Variants in CSMD1 observed in about 807,000 individuals in gnomAD.
The protein encoded by CSMD1 is CUB and sushi domain-containing protein 1.
Under a neutral mutation model 417.5 loss-of-function variants are expected in CSMD1, and 213 were observed. The observed-to-expected ratio is 0.51, with a 90% CI of 0.46 to 0.57. CSMD1 has a LOEUF of 0.57. Among genes scored for constraint, CSMD1 ranks in the 20% least tolerant of loss-of-function variants. The pLI is 0.00. For synonymous variants in CSMD1, 2,862 were observed against 1,736.8 expected (o/e 1.65, Z -16.11); for missense variants, 6,923 against 4,529.7 (o/e 1.53, Z -15.17).
At chr8:3,251,523 C>G (rs1429573423) in intron 26 of CSMD1, among the ~76,000 whole-genome samples, 1 of 152,118 alleles carries the variant, frequency 6.6e-6, no homozygotes, top group Non-Finnish European at 1.5e-5. Context: ...GTTCTCTTGG[C>G]TTAGGATTGA....
At chr8:4,389,241 G>C (rs1184133133) in intron 3 of CSMD1, among the ~76,000 whole-genome samples, 1 of 152,038 alleles carries the variant, frequency 6.6e-6, no homozygotes, top group South Asian at 2.1e-4. Flanking sequence ...TCTCCTCTTT[G>C]GGTCATATAT....
At chr8:3,738,579 T>A (rs560880194) in intron 6 of CSMD1, among the ~76,000 whole-genome samples, 2 of 152,292 alleles carry the variant, frequency 1.3e-5, no homozygotes, top group East Asian at 1.9e-4. Context: ...TGTGCTCTTG[T>A]CACGGGGATG....
At position 3,186,647 on chromosome 8, in the gene CSMD1, G is replaced by A. The variant is rs539001303; in HGVS notation, c.5620+1222C>T. 3.6e-3 allele frequency among the ~76,000 whole-genome samples: 555 copies of A among 152,154 alleles called. 2 individuals are homozygous for A. The highest frequency in any genetic ancestry group is 6.9e-3 in the Non-Finnish European group (468 of 68,018). On this transcript the variant is annotated intron_variant, in intron 36 of 69. Coordinates refer to ENST00000635120, the MANE Select transcript of CSMD1 (RefSeq NM_033225.6). ...TTAACCTATTGAGTAAAAGTAGAAC[G>A]GAAATATTTAGGGAAAAAATATCCA...
At chr8:4,117,928 G>T (rs1802252402) in intron 3 of CSMD1, among the ~76,000 whole-genome samples, 1 of 120,338 alleles carries the variant, frequency 8.3e-6, no homozygotes, top group African/African-American at 3.3e-5. Context: ...AATTTTCCTG[G>T]AAAAGTCAGG....
At chr8:4,562,043 C>T (rs1798365156) in intron 2 of CSMD1, among the ~76,000 whole-genome samples, 2 of 152,098 alleles carry the variant, frequency 1.3e-5, no homozygotes, top group Non-Finnish European at 2.9e-5. Context: ...CGTACATATT[C>T]AATGCAGCCA....
intron 3 of CSMD1, among the ~76,000 whole-genome samples, chr8:4,185,654 T>A (rs1798627949): frequency 6.6e-6 from 1 of 152,238 alleles, no homozygotes; most frequent in Admixed American, 6.5e-5. Flanking sequence ...GTGACACATT[T>A]TAACATAGTC....
intron 10 of CSMD1, among the ~76,000 whole-genome samples, chr8:3,557,713 G>A (rs941562904): frequency 2.0e-5 from 3 of 152,208 alleles, no homozygotes; most frequent in Admixed American, 6.5e-5. Flanking sequence ...ACACATCACA[G>A]CTTCCTCTAC....
intron 1 of CSMD1, among the ~76,000 whole-genome samples, chr8:4,861,208 A>G (rs925229143): frequency 6.6e-6 from 1 of 152,158 alleles, no homozygotes; most frequent in African/African-American, 2.4e-5. Flanking sequence ...GACCTGCTCT[A>G]ATCTATTTCA....
intron 5 of CSMD1, among the ~76,000 whole-genome samples, chr8:3,886,114 G>T (rs561157512): frequency 1.3e-5 from 2 of 151,910 alleles, no homozygotes; most frequent in Non-Finnish European, 2.9e-5. Flanking sequence ...ACAGTGCTGC[G>T]ATCTCAGCTC....
intron 8 of CSMD1, among the ~76,000 whole-genome samples, chr8:3,612,349 A>G (rs1801936929): frequency 6.6e-6 from 1 of 152,120 alleles, no homozygotes; most frequent in Admixed American, 6.6e-5. Context: ...CAGATTCACA[A>G]TTTTAGTAGA....
chr8:4,250,167 T>C (rs1802966168), intron 3 of CSMD1, among the ~76,000 whole-genome samples: 1 of 152,196 alleles, frequency 6.6e-6, no homozygotes, highest in East Asian at 1.9e-4. Flanking sequence ...TCTAGAACTG[T>C]GAACCAATAC....
At chr8:4,372,167 C>T (rs1270327701) in intron 3 of CSMD1, among the ~76,000 whole-genome samples, 1 of 151,998 alleles carries the variant, frequency 6.6e-6, no homozygotes, top group African/African-American at 2.4e-5. Context: ...TCTACTTGTC[C>T]AAAAAGAGAT....
intron 7 of CSMD1, among the ~76,000 whole-genome samples, chr8:3,697,998 G>C (rs532878962): frequency 7.2e-5 from 11 of 152,218 alleles, no homozygotes; most frequent in African/African-American, 2.2e-4. Flanking sequence ...TTAACCACCT[G>C]TAATCCAATC....
Position 3,389,923 on chromosome 8 carries a change from C to T in CSMD1, c.2594-2241G>A, listed in dbSNP as rs893748615. Among the ~76,000 whole-genome samples, 22 of 152,222 alleles carry T rather than the reference C, an allele frequency of 1.4e-4. No homozygotes were observed. The South Asian group carries it at 1.7e-3, about 11-fold the overall frequency. ...AATATGCAGACATTGTTCTCGTTTT[C>T]ATTACAAACTGTTTGAATGGAGAGT... On this transcript the variant is annotated intron_variant, in intron 17 of 69. Transcript: ENST00000635120.
chr8:3,743,407 T>A (rs1409212828), intron 6 of CSMD1, among the ~76,000 whole-genome samples: 1 of 152,212 alleles, frequency 6.6e-6, no homozygotes, highest in African/African-American at 2.4e-5. Context: ...TGGAATAGTG[T>A]GACATTAGGA....
intron 10 of CSMD1, among the ~76,000 whole-genome samples, chr8:3,514,198 C>T (rs1399188210): frequency 6.6e-6 from 1 of 152,136 alleles, no homozygotes; most frequent in South Asian, 2.1e-4. Context: ...TGAAGACATG[C>T]TCTTGTGTAA....
At chr8:2,966,542 G>A (rs756958746) in intron 58 of CSMD1, 28 bp downstream of exon 58, 3 of 1,598,284 alleles carry the variant, frequency 1.9e-6, no homozygotes, top group Non-Finnish European at 2.6e-6. Flanking sequence ...AGTAACGTCT[G>A]AGTCTACCAT....
At chr8:4,430,410 G>C (rs763139688) in intron 2 of CSMD1, among the ~76,000 whole-genome samples, 2 of 152,062 alleles carry the variant, frequency 1.3e-5, no homozygotes, top group Non-Finnish European at 2.9e-5. Flanking sequence ...TCATGGTTAT[G>C]ACATAGTCTA....
At chr8:3,898,408 C>A (rs1456603136) in intron 5 of CSMD1, among the ~76,000 whole-genome samples, 3 of 152,060 alleles carry the variant, frequency 2.0e-5, no homozygotes, top group Admixed American at 6.5e-5. Flanking sequence ...AATCAAGTGC[C>A]ATTATAAAGT....
Sources: gnomAD v4.1 joint callset for allele counts (sites outside exome capture counted in the v4.1 genomes callset) on GRCh38, gnomAD v4.1.1 for gene constraint, MANE v1.5 for transcripts, NCBI Gene and HGNC (gene_info 2026-07-23, HGNC 2026-07-21) for gene names.